LRP1B: variants seen among roughly 807,000 people sequenced by gnomAD.
LRP1B encodes LDL receptor related protein 1B.
Under a neutral mutation model 556.6 loss-of-function variants are expected in LRP1B, and 217 were observed. That is an observed-to-expected ratio of 0.39 (90% CI 0.35 to 0.44). LRP1B has a LOEUF of 0.44. LRP1B is among the 20% of genes least tolerant of loss of function. The probability of loss-of-function intolerance (pLI) is 1.00; values close to 1 mark genes in which losing one functional copy is unlikely to be tolerated. For missense variants in LRP1B, 5,053 were observed against 5,620.8 expected (o/e 0.90, Z 3.23); for synonymous variants, 2,047 against 1,865.8 (o/e 1.10, Z -2.50).
At chr2:140,902,468 C>T (rs1026856067) in intron 23 of LRP1B, among the ~76,000 whole-genome samples, 3 of 152,048 alleles carry the variant, frequency 2.0e-5, no homozygotes, top group Admixed American at 6.6e-5. Flanking sequence ...CCTTGTTTGC[C>T]TTTCCCACTG....
chr2:141,098,963 C>T (rs77041207), intron 7 of LRP1B, among the ~76,000 whole-genome samples: 9,336 of 152,240 alleles, frequency 0.061, 360 homozygotes, highest in South Asian at 0.11. Context: ...ATTAAAATGT[C>T]TCATTAAGGC....
chr2:140,325,902 C>CAAAT (rs1478339119), intron 79 of LRP1B, 24 bp from the exon 80 acceptor site: 1 of 1,336,564 alleles, frequency 7.5e-7, no homozygotes, highest in Admixed American at 1.7e-5. Flanking sequence ...ACACACAAGA[C>CAAAT]AAATAGTGCA....
At chr2:141,743,902 T>C (rs1450693483) in intron 2 of LRP1B, among the ~76,000 whole-genome samples, 1 of 152,060 alleles carries the variant, frequency 6.6e-6, no homozygotes, top group African/African-American at 2.4e-5. Flanking sequence ...CTTTTTTTCT[T>C]AGTCTGGCTA....
chr2:142,032,742 A>T (rs1239056061), intron 1 of LRP1B, among the ~76,000 whole-genome samples: 1 of 151,764 alleles, frequency 6.6e-6, no homozygotes, highest in African/African-American at 2.4e-5. Flanking sequence ...TCAGTTTCAA[A>T]ATTTAGGGAC....
chr2:140,669,407 T>C (rs1685402066), intron 41 of LRP1B, among the ~76,000 whole-genome samples: 1 of 151,990 alleles, frequency 6.6e-6, no homozygotes, highest in South Asian at 2.1e-4. Context: ...GGGAAGACCA[T>C]TTAGGAAGAT....
In LRP1B at chr2:142,073,494, C is replaced by T. The variant is rs555668642; in HGVS notation, c.82+57154G>A. Among the ~76,000 whole-genome samples the T allele has an allele frequency of 1.1e-4, 17 of 152,118 alleles. 1 individual carries two copies. The highest frequency in any genetic ancestry group is 5.8e-4 in the East Asian group (3 of 5,144). The stretch of plus-strand genomic sequence containing the variant: ...AAATTTCTAATATTTTCTTCACATC[C>T]TACTACCAAATTTACTTGCCTATAT... On this transcript the variant is annotated intron_variant, in intron 1 of 90. Transcript: ENST00000389484.
intron 43 of LRP1B, among the ~76,000 whole-genome samples, chr2:140,568,232 C>A: frequency 7.2e-6 from 1 of 138,300 alleles, no homozygotes. Context: ...GTAAACAATT[C>A]AACAAAATCA....
intron 1 of LRP1B, among the ~76,000 whole-genome samples, chr2:141,890,390 A>ATGTCTT: frequency 7.4e-6 from 1 of 135,968 alleles, no homozygotes; most frequent in Non-Finnish European, 1.5e-5. Flanking sequence ...ATACATATAT[A>ATGTCTT]GTGTATATAT....
intron 7 of LRP1B, among the ~76,000 whole-genome samples, chr2:141,169,370 A>G (rs1275580014): frequency 6.6e-6 from 1 of 151,782 alleles, no homozygotes; most frequent in East Asian, 1.9e-4. Context: ...GGAATAAGAA[A>G]AAACTTCTTC....
intron 3 of LRP1B, among the ~76,000 whole-genome samples, chr2:141,422,309 T>C (rs1224666909): frequency 6.6e-6 from 1 of 152,136 alleles, no homozygotes; most frequent in Non-Finnish European, 1.5e-5. Context: ...CAGAAAAATT[T>C]ACTGAATAAA....
chr2:140,970,332 G>A (rs926433077), intron 18 of LRP1B, among the ~76,000 whole-genome samples: 5 of 152,144 alleles, frequency 3.3e-5, no homozygotes, highest in African/African-American at 1.2e-4. Context: ...TGACACTTGT[G>A]CATTTGTCAT....
intron 1 of LRP1B, among the ~76,000 whole-genome samples, chr2:142,054,194 A>G (rs1212618112): frequency 6.6e-6 from 1 of 152,184 alleles, no homozygotes; most frequent in Non-Finnish European, 1.5e-5. Context: ...GGAGGATGGT[A>G]ATTTAAAATC....
chr2:141,064,874 G>A (rs1367807207), intron 7 of LRP1B, among the ~76,000 whole-genome samples: 2 of 151,752 alleles, frequency 1.3e-5, no homozygotes, highest in Non-Finnish European at 2.9e-5. Context: ...ATGTTGTTGG[G>A]TTAAAAATCA....
At chr2:141,030,554 T>A (rs1232298439) in intron 11 of LRP1B, among the ~76,000 whole-genome samples, 1 of 152,116 alleles carries the variant, frequency 6.6e-6, no homozygotes. Context: ...CTCATTTTTA[T>A]AACAAAGATA....
intron 2 of LRP1B, among the ~76,000 whole-genome samples, chr2:141,601,869 T>C (rs1687757957): frequency 6.6e-6 from 1 of 152,132 alleles, no homozygotes; most frequent in South Asian, 2.1e-4. Context: ...CCCAGAGTGC[T>C]GGGATTATGG....
chr2:141,021,220 A>G (rs1345718154), intron 11 of LRP1B, among the ~76,000 whole-genome samples: 1 of 151,988 alleles, frequency 6.6e-6, no homozygotes, highest in African/African-American at 2.4e-5. Context: ...TGCAGACACA[A>G]TGGATATTTA....
intron 2 of LRP1B, among the ~76,000 whole-genome samples, chr2:141,797,142 T>A (rs971058582): frequency 1.9e-5 from 2 of 102,618 alleles, no homozygotes; most frequent in African/African-American, 3.8e-5. Context: ...ACTTTGAAAA[T>A]AATCATATAT....
chr2:141,471,413 C>T (rs746419547), intron 3 of LRP1B, among the ~76,000 whole-genome samples: 12 of 151,994 alleles, frequency 7.9e-5, no homozygotes, highest in Non-Finnish European at 1.6e-4. Context: ...AAACTCCTCT[C>T]ACTACACTCA....
At chr2:141,232,000 AAC>A (rs1221575438) in intron 5 of LRP1B, among the ~76,000 whole-genome samples, 2 of 152,164 alleles carry the variant, frequency 1.3e-5, no homozygotes. Flanking sequence ...TTTCCACAAA[AAC>A]AAAGTCCTCT....
Sources: gnomAD v4.1 joint callset for allele counts (sites outside exome capture counted in the v4.1 genomes callset) on GRCh38, gnomAD v4.1.1 for gene constraint, MANE v1.5 for transcripts, NCBI Gene and HGNC (gene_info 2026-07-23, HGNC 2026-07-21) for gene names.